Variants in KCNH1 observed in about 807,000 individuals in gnomAD.
The protein encoded by KCNH1 is potassium voltage-gated channel subfamily H member 1, also known as voltage-gated delayed rectifier potassium channel KCNH1.
KCNH1 carries 27 observed loss-of-function variants against 69.2 expected under a neutral mutation model. The observed-to-expected ratio is 0.39, with a 90% CI of 0.29 to 0.54. KCNH1 has a LOEUF of 0.54. KCNH1 is among the 20% of genes least tolerant of loss of function. The pLI is 0.68. For synonymous variants in KCNH1, 456 were observed against 487.7 expected (o/e 0.93, Z 0.86); for missense variants, 798 against 1,261.6 (o/e 0.63, Z 5.57).
chr1:210,796,817 C>G (rs1226289030), intron 9 of KCNH1, among the ~76,000 whole-genome samples: 1 of 152,110 alleles, frequency 6.6e-6, no homozygotes, highest in Non-Finnish European at 1.5e-5. Flanking sequence ...CTTACCCCAG[C>G]CTTCCCTACT....
intron 10 of KCNH1, among the ~76,000 whole-genome samples, chr1:210,726,042 A>T (rs973601194): frequency 1.3e-5 from 2 of 152,228 alleles, no homozygotes; most frequent in African/African-American, 4.8e-5. Flanking sequence ...AGTTTGGCAG[A>T]TAGAAAGTGT....
At chr1:210,697,471 T>G (rs1342336559) in intron 10 of KCNH1, among the ~76,000 whole-genome samples, 2 of 152,252 alleles carry the variant, frequency 1.3e-5, no homozygotes, top group Non-Finnish European at 2.9e-5. Context: ...TCGTCTATCT[T>G]TCTCGCAGGC....
At chr1:211,031,754 T>A (rs1420610269) in intron 5 of KCNH1, among the ~76,000 whole-genome samples, 2 of 152,150 alleles carry the variant, frequency 1.3e-5, no homozygotes, top group African/African-American at 4.8e-5. Context: ...ATTGATGGGA[T>A]GTATCTCAAA....
chr1:210,888,836 C>A (rs569127089), intron 7 of KCNH1, among the ~76,000 whole-genome samples: 2 of 152,082 alleles, frequency 1.3e-5, no homozygotes, highest in Non-Finnish European at 2.9e-5. Flanking sequence ...ACATATACCC[C>A]CCCAAGACTA....
intron 7 of KCNH1, among the ~76,000 whole-genome samples, chr1:210,844,583 T>G (rs1395528074): frequency 6.6e-6 from 1 of 152,178 alleles, no homozygotes; most frequent in Non-Finnish European, 1.5e-5. Flanking sequence ...AAGCAGTGTG[T>G]AGAGGGAAAT....
intron 1 of KCNH1, among the ~76,000 whole-genome samples, chr1:211,124,721 TA>T (rs1691748344): frequency 6.6e-6 from 1 of 152,106 alleles, no homozygotes; most frequent in African/African-American, 2.4e-5. Flanking sequence ...ACTCAATGGG[TA>T]ATTTGAGGAA....
At chr1:210,882,120 T>G (rs1323826358) in intron 7 of KCNH1, among the ~76,000 whole-genome samples, 1 of 152,196 alleles carries the variant, frequency 6.6e-6, no homozygotes, top group African/African-American at 2.4e-5. Context: ...AGGCTGTGCA[T>G]GGGTGGGGGT....
intron 9 of KCNH1, among the ~76,000 whole-genome samples, chr1:210,777,661 T>C (rs1342244392): frequency 6.6e-6 from 1 of 152,208 alleles, no homozygotes; most frequent in African/African-American, 2.4e-5. Flanking sequence ...AACCTCCCTA[T>C]ACTGCCCACA....
rs116325809 is a variant in KCNH1 at position 211,048,928 on chromosome 1, T to C, written c.559-29672A>G. ...GAATCAGGAAGTTTCAAGCCTAAAA[T>C]TGGGGTAGTCCAGAAAGTACTTAGC... On this transcript the variant is annotated intron_variant, in intron 5 of 10. Coordinates refer to ENST00000271751, the MANE Select transcript of KCNH1 (RefSeq NM_172362.3). 6.2e-3 allele frequency among the ~76,000 whole-genome samples: 946 copies of C among 152,186 alleles called. 6 individuals are homozygous for C. Among genetic ancestry groups the C allele is most frequent in the African/African-American group, 0.022 (921 of 41,520 alleles).
At chr1:211,056,926 A>G (rs1370231499) in intron 5 of KCNH1, among the ~76,000 whole-genome samples, 1 of 152,136 alleles carries the variant, frequency 6.6e-6, no homozygotes, top group East Asian at 1.9e-4. Context: ...CCCAAGAAAG[A>G]TGGGTTCAAA....
chr1:210,680,120 C>A lies in KCNH1; in HGVS notation c.*3161G>T, dbSNP rs537781170. On this transcript the variant is annotated 3_prime_UTR_variant, in exon 11 of 11. Transcript: ENST00000271751. ...CCCATTGCTGGAGTCAATGCCCCCC[C>A]ACCAAGAACAAACACCACCTCATTG... is the stretch of plus-strand genomic sequence containing the variant. The A allele has an allele frequency of 1.3e-5, 2 of 152,238 alleles. No individual in the cohort carries two copies. Among genetic ancestry groups the A allele is most frequent in the East Asian group, 1.9e-4 (1 of 5,166 alleles). 9.4% of individuals were successfully genotyped at this position (152,238 alleles called of 1,614,324 possible). A position where few individuals can be genotyped will look rare whatever the true frequency, so the allele number is the denominator to read the frequency against.
intron 10 of KCNH1, among the ~76,000 whole-genome samples, chr1:210,759,991 T>G (rs968367088): frequency 6.6e-6 from 1 of 152,156 alleles, no homozygotes; most frequent in African/African-American, 2.4e-5. Flanking sequence ...AGCAGTGGCA[T>G]TGGATTCTCA....
At chr1:210,745,203 C>CAAT (rs967285466) in intron 10 of KCNH1, among the ~76,000 whole-genome samples, 11 of 70,910 alleles carry the variant, frequency 1.6e-4, no homozygotes, top group African/African-American at 3.6e-4. Context: ...GACTCTGTCT[C>CAAT]AATAATAATA....
At chr1:210,856,803 A>ATATTTATATATATAT (rs1553352202) in intron 7 of KCNH1, among the ~76,000 whole-genome samples, 2 of 129,106 alleles carry the variant, frequency 1.5e-5, no homozygotes, top group Non-Finnish European at 3.2e-5. Flanking sequence ...ATTTATATTT[A>ATATTTATATATATAT]TATATATATT....
intron 6 of KCNH1, among the ~76,000 whole-genome samples, chr1:210,951,156 A>G (rs1688056172): frequency 6.6e-6 from 1 of 152,184 alleles, no homozygotes; most frequent in Non-Finnish European, 1.5e-5. Context: ...CAGGACATCC[A>G]AGAACCAGGG....
intron 4 of KCNH1, among the ~76,000 whole-genome samples, chr1:211,083,510 G>A (rs1002410701): frequency 2.6e-5 from 4 of 152,200 alleles, no homozygotes; most frequent in Non-Finnish European, 4.4e-5. Context: ...GGTCCTTACT[G>A]AGAATCGAAG....
intron 10 of KCNH1, among the ~76,000 whole-genome samples, chr1:210,731,779 C>G (rs867195791): frequency 3.9e-5 from 6 of 152,200 alleles, no homozygotes; most frequent in Admixed American, 1.3e-4. Flanking sequence ...ATTAAGCCCA[C>G]AAACCATTAC....
chr1:211,069,737 C>G (rs560748627), intron 5 of KCNH1, among the ~76,000 whole-genome samples: 26 of 145,338 alleles, frequency 1.8e-4, no homozygotes, highest in African/African-American at 6.5e-4. Flanking sequence ...AAAATTATTA[C>G]AGTACTACAG....
At chr1:211,012,995 A>G (rs1337526727) in intron 6 of KCNH1, among the ~76,000 whole-genome samples, 2 of 152,224 alleles carry the variant, frequency 1.3e-5, no homozygotes, top group Admixed American at 6.5e-5. Flanking sequence ...ATTATGAGCT[A>G]CAAGGACTGC....
Sources: allele counts gnomAD v4.1 joint callset (sites outside exome capture counted in the v4.1 genomes callset), GRCh38; gene constraint gnomAD v4.1.1; transcripts MANE v1.5; gene names NCBI Gene and HGNC (gene_info 2026-07-23, HGNC 2026-07-21).